The following KCNJ6 variants were observed in gnomAD, a reference collection of about 807,000 sequenced individuals.
KCNJ6 encodes G protein-activated inward rectifier potassium channel 2.
A neutral mutation model predicts 34.2 loss-of-function variants in KCNJ6; 9 were observed. The ratio of observed to expected loss-of-function variants is 0.26; its 90% CI spans 0.16 to 0.46. The LOEUF is 0.46. Ranked by LOEUF, KCNJ6 falls within the 20% of genes least tolerant of loss-of-function variation. KCNJ6 has a pLI of 1.00. For missense variants in KCNJ6, 236 were observed against 531.3 expected (o/e 0.44, Z 5.46); for synonymous variants, 196 against 207.1 (o/e 0.95, Z 0.46).
intron 2 of KCNJ6, among the ~76,000 whole-genome samples, chr21:37,718,909 G>A (rs1397307873): frequency 1.3e-5 from 2 of 152,218 alleles, no homozygotes; most frequent in African/African-American, 4.8e-5. Flanking sequence ...TAGTGTGTTT[G>A]GAAGGTGGCT....
intron 2 of KCNJ6, among the ~76,000 whole-genome samples, chr21:37,825,889 C>T (rs984761420): frequency 6.6e-5 from 10 of 152,158 alleles, no homozygotes; most frequent in Admixed American, 2.0e-4. Flanking sequence ...CTACCACGAG[C>T]ACAGTATGGG....
At chr21:37,872,015 G>GT (rs1005662439) in intron 1 of KCNJ6, among the ~76,000 whole-genome samples, 66 of 151,480 alleles carry the variant, frequency 4.4e-4, no homozygotes, top group African/African-American at 9.7e-4. Flanking sequence ...ATACAGTTCA[G>GT]TTTTTTTTTG....
chr21:37,821,511 T>C lies in KCNJ6; in HGVS notation c.25+19147A>G, dbSNP rs1263016342. ...CATCACCTAGGTATTAAGCCCCACATGCATTAGCTATTTATCCTGATGCTC... is the reference window on the plus strand; with the variant it reads ...CATCACCTAGGTATTAAGCCCCACACGCATTAGCTATTTATCCTGATGCTC... On this transcript the variant is annotated intron_variant, in intron 2 of 3. Coordinates refer to ENST00000609713, the MANE Select transcript of KCNJ6 (RefSeq NM_002240.5). 2.0e-5 allele frequency among the ~76,000 whole-genome samples: 3 copies of C among 152,202 alleles called. No homozygotes were observed. In the East Asian group the frequency reaches 5.8e-4, roughly 29 times the overall value.
At chr21:37,860,568 T>G (rs865832703) in intron 1 of KCNJ6, among the ~76,000 whole-genome samples, 2 of 152,188 alleles carry the variant, frequency 1.3e-5, no homozygotes, top group African/African-American at 2.4e-5. Flanking sequence ...TCAGGTGGCA[T>G]GGAGTTCCTG....
chr21:37,667,523 C>T (rs930027505), intron 3 of KCNJ6, among the ~76,000 whole-genome samples: 6 of 150,152 alleles, frequency 4.0e-5, no homozygotes, highest in Non-Finnish European at 5.9e-5. Context: ...TAGTGGGCGC[C>T]GGGGTAGCGG....
chr21:37,820,580 T>C (rs1014057990), intron 2 of KCNJ6, among the ~76,000 whole-genome samples: 1 of 152,202 alleles, frequency 6.6e-6, no homozygotes, highest in Admixed American at 6.5e-5. Flanking sequence ...TATGTTCTGA[T>C]CAAACTTCCT....
chr21:37,820,651 CAG>C (rs1196669771), intron 2 of KCNJ6, among the ~76,000 whole-genome samples: 3 of 152,224 alleles, frequency 2.0e-5, no homozygotes, highest in African/African-American at 7.2e-5. Context: ...GAATGACTAA[CAG>C]AACTCAAGAA....
chr21:37,886,487 T>G (rs142086593), intron 1 of KCNJ6, among the ~76,000 whole-genome samples: 2 of 152,196 alleles, frequency 1.3e-5, no homozygotes, highest in African/African-American at 4.8e-5. Flanking sequence ...CCTTAAAGAA[T>G]CTCATGTAAT....
At chr21:37,771,680 C>T (rs911173835) in intron 2 of KCNJ6, among the ~76,000 whole-genome samples, 1 of 152,078 alleles carries the variant, frequency 6.6e-6, no homozygotes, top group East Asian at 1.9e-4. Flanking sequence ...CCAGATAGCT[C>T]CTTCTGATTT....
Position 37,611,509 on chromosome 21 carries a change from C to A in KCNJ6, c.*13650G>T, listed in dbSNP as rs776258043. 6 of 152,168 alleles carry A rather than the reference C, an allele frequency of 3.9e-5. No individual in the cohort carries two copies. The highest frequency in any genetic ancestry group is 5.9e-5 in the Non-Finnish European group (4 of 68,028). The allele number at this position is 152,168 out of a possible 1,614,324, so 9.4% of individuals were successfully genotyped here. On this transcript the variant is annotated 3_prime_UTR_variant, in exon 4 of 4. Coordinates refer to ENST00000609713, the MANE Select transcript of KCNJ6 (RefSeq NM_002240.5). ...ACTCATTCTATGAATCCAGCATCAC[C>A]TTAATACCAAAACCAGACAAAGACA...
intron 2 of KCNJ6, among the ~76,000 whole-genome samples, chr21:37,726,753 C>G (rs576103203): frequency 6.6e-6 from 1 of 152,206 alleles, no homozygotes; most frequent in East Asian, 1.9e-4. Flanking sequence ...TCTAAAGAAC[C>G]AGTAGGAAAC....
At chr21:37,889,568 G>C (rs891546472) in intron 1 of KCNJ6, among the ~76,000 whole-genome samples, 19 of 152,162 alleles carry the variant, frequency 1.2e-4, no homozygotes, top group African/African-American at 4.6e-4. Context: ...TACAACCTGG[G>C]TGGCTTTAAC....
chr21:37,766,121 CACA>C, intron 2 of KCNJ6, among the ~76,000 whole-genome samples: 1 of 152,214 alleles, frequency 6.6e-6, no homozygotes, highest in South Asian at 2.1e-4. Context: ...CTGCATCCCA[CACA>C]ACATGTTCAT....
intron 2 of KCNJ6, among the ~76,000 whole-genome samples, chr21:37,828,669 C>T (rs2123562344): frequency 6.6e-6 from 1 of 152,352 alleles, no homozygotes; most frequent in Non-Finnish European, 1.5e-5. Flanking sequence ...GCTGTCCTCC[C>T]CACCCTCGTA....
intron 2 of KCNJ6, among the ~76,000 whole-genome samples, chr21:37,764,326 A>C (rs925376723): frequency 1.3e-5 from 2 of 152,186 alleles, no homozygotes; most frequent in African/African-American, 4.8e-5. Context: ...TGGAGGGGAC[A>C]AAGTAAGAGA....
chr21:37,897,717 T>C (rs2055795982), intron 1 of KCNJ6, among the ~76,000 whole-genome samples: 1 of 152,218 alleles, frequency 6.6e-6, no homozygotes, highest in South Asian at 2.1e-4. Flanking sequence ...GGGAAGTCTC[T>C]GCCTTTGAAG....
intron 3 of KCNJ6, among the ~76,000 whole-genome samples, chr21:37,706,683 T>C (rs1177154728): frequency 1.3e-5 from 2 of 152,268 alleles, no homozygotes; most frequent in Non-Finnish European, 2.9e-5. Context: ...ATTCTTTCTA[T>C]GTAAACAGAG....
At chr21:37,813,042 G>A (rs2055330411) in intron 2 of KCNJ6, among the ~76,000 whole-genome samples, 1 of 152,084 alleles carries the variant, frequency 6.6e-6, no homozygotes, top group South Asian at 2.1e-4. Flanking sequence ...AAAGTTATTA[G>A]AATTGATAAA....
chr21:37,761,207 T>C (rs1337240252), intron 2 of KCNJ6, among the ~76,000 whole-genome samples: 2 of 150,168 alleles, frequency 1.3e-5, no homozygotes, highest in African/African-American at 4.9e-5. Flanking sequence ...TGTGTATGTA[T>C]TGTGTGTGTG....
Sources: gnomAD v4.1 joint callset for allele counts (sites outside exome capture counted in the v4.1 genomes callset) on GRCh38, gnomAD v4.1.1 for gene constraint, MANE v1.5 for transcripts, NCBI Gene and HGNC (gene_info 2026-07-23, HGNC 2026-07-21) for gene names.